Variants in RLN2 observed in about 807,000 individuals in gnomAD.
The protein encoded by RLN2 is relaxin 2, also known as prorelaxin H2.
Under a neutral mutation model 7.3 loss-of-function variants are expected in RLN2, and 10 were observed. That is an observed-to-expected ratio of 1.36 (90% CI 0.84 to 2.31). The LOEUF (loss-of-function observed/expected upper bound fraction) is 2.31. Ranked by LOEUF, RLN2 falls within the 30% of genes most tolerant of loss-of-function variation. The pLI is 0.00. For synonymous variants in RLN2, 103 were observed against 82.3 expected, an observed-to-expected ratio of 1.25 and a Z score of -1.36; for missense variants, 298 against 217.6, an observed-to-expected ratio of 1.37 and a Z score of -2.32.
At chr9:5,321,499 G>A in the RLN2 span, among the ~76,000 whole-genome samples, 1 of 151,946 alleles carries the variant, frequency 6.6e-6, no homozygotes, top group Non-Finnish European at 1.5e-5. Flanking sequence ...AATGTAGGCT[G>A]TATATGAGCA....
chr9:5,321,212 A>T, the RLN2 span, among the ~76,000 whole-genome samples: 1 of 152,120 alleles, frequency 6.6e-6, no homozygotes, highest in Non-Finnish European at 1.5e-5. Context: ...AAGGCCACAA[A>T]ACAAAATTGT....
chr9:5,306,256 C>T (rs1271444794), upstream of RLN2, among the ~76,000 whole-genome samples: 1 of 151,514 alleles, frequency 6.6e-6, no homozygotes, highest in South Asian at 2.1e-4. Flanking sequence ...TACAGGTGTG[C>T]ACCACCACAC....
In RLN2 at chr9:5,300,110, A is replaced by G; in HGVS notation, c.546T>C (p.Ala182=). 6.3e-7 allele frequency: 1 copy of G among 1,595,146 alleles called. No individual in the cohort carries two copies. Among genetic ancestry groups the G allele is most frequent in the Non-Finnish European group, 8.5e-7 (1 of 1,172,784 alleles). The part of the protein sequence containing the change: ...CHVGCTKRSL[A]RFC ...AATTAGCTTCATCTCAGCAAAATCT[A>G]GCAAGAGATCTTTTGGTACAACCAA... The change falls in exon 2 of 2, where the codon GCT becomes GCC. Residue 182 remains alanine (A), a synonymous_variant. Coordinates refer to ENST00000381627, the MANE Select transcript of RLN2 (RefSeq NM_134441.3).
the RLN2 span, among the ~76,000 whole-genome samples, chr9:5,313,412 C>T: frequency 6.6e-6 from 1 of 151,932 alleles, no homozygotes; most frequent in African/African-American, 2.4e-5. Context: ...TTTCCCTTTG[C>T]ATGAAGTATC....
At chr9:5,337,363 G>T in the RLN2 span, among the ~76,000 whole-genome samples, 1 of 151,952 alleles carries the variant, frequency 6.6e-6, no homozygotes, top group African/African-American at 2.4e-5. Flanking sequence ...TTTTAAACCT[G>T]TTTTGAAATA....
chr9:5,322,872 G>A, the RLN2 span, among the ~76,000 whole-genome samples: 2 of 151,910 alleles, frequency 1.3e-5, no homozygotes. Flanking sequence ...ATCAGAACAA[G>A]TCATCCCAAA....
rs142915386 is a variant in RLN2 at position 5,304,509 on chromosome 9, C to T, written c.72G>A (p.Ala24=). Residue 24 remains alanine (A), a synonymous_variant, in exon 1 of 2, where the codon GCG becomes GCA. Coordinates refer to ENST00000381627, the MANE Select transcript of RLN2 (RefSeq NM_134441.3). ...LLLNQFSRAV[A]DSWMEEVIKL... is the part of the protein sequence containing the mutation. ...TAATAACTTCCTCCATCCATGAGTC[C>T]GCGACTGCTCTGGAAAATTGGTTCA... is the stretch of plus-strand genomic sequence containing the variant. 4.6e-5 allele frequency: 74 copies of T among 1,613,818 alleles called. No homozygotes were observed. The African/African-American group carries it at 9.2e-4, about 20-fold the overall frequency.
At chr9:5,335,033 C>A in the RLN2 span, 15 of 440,234 alleles carry the variant, frequency 3.4e-5, no homozygotes, top group Non-Finnish European at 5.9e-5. Context: ...CACAATTATA[C>A]TGTTAATAAA....
chr9:5,313,427 T>C, the RLN2 span, among the ~76,000 whole-genome samples: 13 of 152,076 alleles, frequency 8.5e-5, 1 homozygote, highest in African/African-American at 3.1e-4. Flanking sequence ...AGTATCTTTT[T>C]ACAACCTTTC....
the RLN2 span, chr9:5,311,510 G>C: frequency 2.8e-6 from 2 of 712,086 alleles, no homozygotes; most frequent in African/African-American, 1.8e-5. Flanking sequence ...ATGAACCACA[G>C]AGAAGATCAT....
Position 5,300,140 on chromosome 9 carries a change from G to T in RLN2, c.516C>A (p.Cys172Ter). 1 of 1,604,752 alleles carries T rather than the reference G, an allele frequency of 6.2e-7. No individual in the cohort carries two copies. ...QLYSALANKC[C>*]HVGCTKRSLA... ...GAGATCTTTTGGTACAACCAACATGGCAACATTTATTAGCCAATGCACTGT... is the reference window on the plus strand; with the variant it reads ...GAGATCTTTTGGTACAACCAACATGTCAACATTTATTAGCCAATGCACTGT... The change falls in exon 2 of 2, where the codon TGC (cysteine) becomes TGA (stop). Residue 172 changes from cysteine (C) to a stop codon, truncating the protein, a stop_gained. Coordinates refer to ENST00000381627, the MANE Select transcript of RLN2 (RefSeq NM_134441.3). LOFTEE classifies it low-confidence loss of function (END_TRUNC).
the RLN2 span, among the ~76,000 whole-genome samples, chr9:5,314,973 CAA>C: frequency 1.3e-5 from 2 of 151,862 alleles, no homozygotes; most frequent in East Asian, 3.9e-4. Context: ...CTTCCAGAGT[CAA>C]AGTCTTTCCC....
chr9:5,316,343 A>T, the RLN2 span, among the ~76,000 whole-genome samples: 1 of 151,736 alleles, frequency 6.6e-6, no homozygotes, highest in African/African-American at 2.4e-5. Context: ...TTCTGAATGT[A>T]CAGGTTTGTT....
At chr9:5,311,283 T>C in the RLN2 span, among the ~76,000 whole-genome samples, 1 of 151,918 alleles carries the variant, frequency 6.6e-6, no homozygotes, top group Non-Finnish European at 1.5e-5. Flanking sequence ...GCGGGGTATG[T>C]GTATGTGTGC....
the RLN2 span, among the ~76,000 whole-genome samples, chr9:5,330,183 G>A: frequency 6.6e-6 from 1 of 151,952 alleles, no homozygotes; most frequent in Non-Finnish European, 1.5e-5. Context: ...CGAAATGAAG[G>A]CATAAATAAA....
At position 5,300,347 on chromosome 9, in the gene RLN2, A is replaced by T; in HGVS notation, c.309T>A (p.Ser103=). ...GCTGTGGTAATGCTGGCTGCATCTCAGACAGGGTTAACTTCAGCTCCTGTG... is the reference window on the plus strand; with the variant it reads ...GCTGTGGTAATGCTGGCTGCATCTCTGACAGGGTTAACTTCAGCTCCTGTG... The part of the protein sequence containing the change: ...NLPQELKLTL[S]EMQPALPQLQ... The change falls in exon 2 of 2, where the codon TCT becomes TCA. Residue 103 remains serine, a synonymous_variant. Coordinates refer to ENST00000381627, the MANE Select transcript of RLN2 (RefSeq NM_134441.3). The T allele has an allele frequency of 6.2e-7, 1 of 1,613,966 alleles. No homozygotes were observed. Among genetic ancestry groups the T allele is most frequent in the Non-Finnish European group, 8.5e-7 (1 of 1,179,860 alleles).
At chr9:5,318,000 G>A in the RLN2 span, among the ~76,000 whole-genome samples, 34 of 133,290 alleles carry the variant, frequency 2.6e-4, no homozygotes, top group African/African-American at 1.1e-3. Flanking sequence ...AACTATGTGT[G>A]TGTGTGCGTG....
chr9:5,300,822 G>C (rs1446828262), intron 1 of RLN2, among the ~76,000 whole-genome samples: 1 of 152,126 alleles, frequency 6.6e-6, no homozygotes, highest in African/African-American at 2.4e-5. Flanking sequence ...TCTTAGTTAA[G>C]TCATTTTCTT....
chr9:5,329,582 G>GA, the RLN2 span, among the ~76,000 whole-genome samples: 106,190 of 145,122 alleles, frequency 0.73, 39,097 homozygotes, highest in African/African-American at 0.83. Context: ...GAAACGGAGA[G>GA]AAAAAAAAAA....
Sources: gnomAD v4.1 joint callset for allele counts (sites outside exome capture counted in the v4.1 genomes callset) on GRCh38, gnomAD v4.1.1 for gene constraint, MANE v1.5 for transcripts, NCBI Gene and HGNC (gene_info 2026-07-23, HGNC 2026-07-21) for gene names.